POLI: variants seen among roughly 807,000 people sequenced by gnomAD.
The protein encoded by POLI is DNA polymerase iota.
Under a neutral mutation model 51.6 loss-of-function variants are expected in POLI, and 58 were observed. The observed-to-expected ratio is 1.12, with a 90% CI of 0.91 to 1.40. POLI has a LOEUF of 1.40. POLI is among the 40% of genes most tolerant of loss of function. The pLI is 0.00. For missense variants in POLI, 921 were observed against 871.3 expected, an observed-to-expected ratio of 1.06 and a Z score of -0.72; for synonymous variants, 322 against 299.7, an observed-to-expected ratio of 1.07 and a Z score of -0.77.
chr18:54,273,851 G>A (rs1211399004), intron 2 of POLI, 75 bp from the exon 3 acceptor site: 20 of 777,112 alleles, frequency 2.6e-5, no homozygotes, highest in Non-Finnish European at 3.7e-5. Flanking sequence ...TTAGACAAAT[G>A]TAATACGGAA....
At chr18:54,279,172 T>C (rs539533666) in intron 4 of POLI, among the ~76,000 whole-genome samples, 1 of 152,190 alleles carries the variant, frequency 6.6e-6, no homozygotes, top group South Asian at 2.1e-4. Context: ...ATACAGATTT[T>C]ATTAAAATTT....
At chr18:54,304,600 A>T (rs1262986135) in intron 3 of POLI, among the ~76,000 whole-genome samples, 2 of 152,018 alleles carry the variant, frequency 1.3e-5, no homozygotes, top group African/African-American at 4.8e-5. Context: ...CCACTTTTTG[A>T]TGGGGTTGTT....
At chr18:54,306,037 C>T (rs12454487) in intron 3 of POLI, among the ~76,000 whole-genome samples, 49,902 of 152,084 alleles carry the variant, frequency 0.33, 10,192 homozygotes, top group East Asian at 0.68. Flanking sequence ...GGATTACAGG[C>T]GTGAGCCACC....
At position 54,269,572 on chromosome 18, in the gene POLI, A is replaced by C. The variant is rs768665084; in HGVS notation, c.26A>C (p.Glu9Ala). The C allele has an allele frequency of 2.1e-6, 3 of 1,460,558 alleles. No homozygotes were observed. Among genetic ancestry groups the C allele is most frequent in the Admixed American group, 5.3e-5 (2 of 37,876 alleles). 90.5% of individuals were successfully genotyped at this position (1,460,558 alleles called of 1,614,324 possible). Residue 9 changes from glutamate to alanine, a missense_variant, in exon 1 of 10, where the codon GAG becomes GCG. Coordinates refer to ENST00000579534, the MANE Select transcript of POLI (RefSeq NM_007195.3). ...ATGGAGAAGCTGGGGGTGGAGCCGG[A>C]GGAGGAAGGCGGCGGCGACGACGAC... Reference protein sequence around the residue: MEKLGVEPEEEGGGDDDEE... With the variant: MEKLGVEPAEEGGGDDDEE...
chr18:54,317,712 A>C (rs2088752734), intron 3 of POLI, among the ~76,000 whole-genome samples: 1 of 152,138 alleles, frequency 6.6e-6, no homozygotes, highest in Non-Finnish European at 1.5e-5. Context: ...AAAATTAAAA[A>C]AAATTAACCC....
At chr18:54,274,115 T>C (rs770302325) in intron 3 of POLI, 25 bp downstream of exon 3, 4 of 1,272,436 alleles carry the variant, frequency 3.1e-6, no homozygotes, top group South Asian at 5.1e-5. Flanking sequence ...CAATGTACTT[T>C]TAGCATTAAT....
In POLI at chr18:54,295,053, TTGAA is replaced by T. The variant is rs3730831; in HGVS notation, c.*597_*600del. 843 of 985,370 alleles carry T rather than the reference TTGAA, an allele frequency of 8.6e-4. 8 individuals carry two copies. The African/African-American group carries it at 0.013, about 16-fold the overall frequency. 61.0% of individuals were successfully genotyped at this position (985,370 alleles called of 1,614,324 possible). Reference sequence around the variant, plus strand: ...GCACACAAAGGCCGTTCAATAAACATTGAATGAATGAATGGTTTGGCTAGGGCCA... The same window carrying T: ...GCACACAAAGGCCGTTCAATAAACATTGAATGAATGGTTTGGCTAGGGCCA... On this transcript the variant is annotated 3_prime_UTR_variant, in exon 10 of 10. Coordinates refer to ENST00000579534, the MANE Select transcript of POLI (RefSeq NM_007195.3).
In POLI at chr18:54,294,598, A is replaced by G. The variant is rs1327172360; in HGVS notation, c.*131A>G. The G allele has an allele frequency of 7.7e-7, 1 of 1,306,294 alleles. No homozygotes were observed. Among genetic ancestry groups the G allele is most frequent in the African/African-American group, 1.5e-5 (1 of 66,362 alleles). 80.9% of individuals were successfully genotyped at this position (1,306,294 alleles called of 1,614,324 possible). On this transcript the variant is annotated 3_prime_UTR_variant, in exon 10 of 10. Coordinates refer to ENST00000579534, the MANE Select transcript of POLI (RefSeq NM_007195.3). ...AGTAAACTGTTCCAGATAAAGCAAG[A>G]ATAGTTGCAAGAAGTAAATTCTGGC...
chr18:54,277,572 G>C, intron 3 of POLI, 131 bp from the exon 4 acceptor site: 1 of 559,748 alleles, frequency 1.8e-6, no homozygotes, highest in Non-Finnish European at 3.1e-6. Flanking sequence ...CTTTATTAAA[G>C]ATATTATGGA....
intron 5 of POLI, among the ~76,000 whole-genome samples, chr18:54,282,614 A>G (rs1207939341): frequency 1.3e-5 from 2 of 152,114 alleles, no homozygotes; most frequent in East Asian, 1.9e-4. Flanking sequence ...TATCATAGGT[A>G]TATATGTAAT....
chr18:54,277,957 T>C, intron 4 of POLI, 102 bp downstream of exon 4: 2 of 863,938 alleles, frequency 2.3e-6, no homozygotes, highest in Non-Finnish European at 3.5e-6. Flanking sequence ...ATGACTTTTG[T>C]TGGAGGTATA....
In POLI at chr18:54,297,402, G is replaced by T. The variant is rs2088387597; in HGVS notation, c.*2935G>T. Reference sequence around the variant, plus strand: ...GAGGGGGTTTCTGTCTTGAGTGTAGGCCTGGAGATTTCCCTTATATGGTAC... The same window carrying T: ...GAGGGGGTTTCTGTCTTGAGTGTAGTCCTGGAGATTTCCCTTATATGGTAC... On this transcript the variant is annotated 3_prime_UTR_variant, in exon 10 of 10. Transcript: ENST00000579534. 1 of 983,308 alleles carries T rather than the reference G, an allele frequency of 1.0e-6. No individual in the cohort carries two copies. The highest frequency in any genetic ancestry group is 1.8e-5 in the African/African-American group (1 of 57,020). The allele number at this position is 983,308 out of a possible 1,614,324, so 60.9% of individuals were successfully genotyped here.
rs1568145224 is a variant in POLI at position 54,294,127 on chromosome 18, GA to G, written c.1884del (p.Arg628SerfsTer2). Reference sequence around the variant, plus strand: ...GATTATTCATATTATTTAGATAATAGATTAAAAGATGAACGAATAAGTCAAG... The same window carrying G: ...GATTATTCATATTATTTAGATAATAGTTAAAAGATGAACGAATAAGTCAAG... ...QKDYSYYLDN[R>X]LKDERISQGP... On this transcript the variant is annotated frameshift_variant, in exon 10 of 10. Transcript: ENST00000579534. LOFTEE classifies it low-confidence loss of function (END_TRUNC). 1 of 1,608,436 alleles carries G rather than the reference GA, an allele frequency of 6.2e-7. No individual in the cohort carries two copies. Among genetic ancestry groups the G allele is most frequent in the African/African-American group, 1.3e-5 (1 of 74,920 alleles).
chr18:54,300,642 C>A (rs746914557), downstream of POLI, among the ~76,000 whole-genome samples: 5 of 151,904 alleles, frequency 3.3e-5, no homozygotes, highest in Non-Finnish European at 7.4e-5. Flanking sequence ...TATAAATGAT[C>A]TAAAAACCTC....
chr18:54,275,198 A>G (rs1333566464), intron 3 of POLI, among the ~76,000 whole-genome samples: 1 of 152,158 alleles, frequency 6.6e-6, no homozygotes, highest in African/African-American at 2.4e-5. Flanking sequence ...TGTGGCTCAT[A>G]CCTGTAATCC....
intron 4 of POLI, among the ~76,000 whole-genome samples, chr18:54,279,682 A>G (rs1464031883): frequency 6.6e-6 from 1 of 152,158 alleles, no homozygotes; most frequent in African/African-American, 2.4e-5. Context: ...TCATCTCTAA[A>G]TACTTTTAGC....
In POLI at chr18:54,296,780, A is replaced by C. The variant is rs1263081165; in HGVS notation, c.*2313A>C. 2.3e-6 allele frequency: 1 copy of C among 430,682 alleles called. No homozygotes were observed. The highest frequency in any genetic ancestry group is 3.1e-6 in the Non-Finnish European group (1 of 324,938). The allele number at this position is 430,682 out of a possible 1,614,324, so 26.7% of individuals were successfully genotyped here. A position where few individuals can be genotyped will look rare whatever the true frequency, so the allele number is the denominator to read the frequency against. On this transcript the variant is annotated 3_prime_UTR_variant, in exon 10 of 10. Coordinates refer to ENST00000579534, the MANE Select transcript of POLI (RefSeq NM_007195.3). ...AACAATGATGGTTTTAATTTCAATAAATATATTTTTCATTTGATTCTTTTT... is the reference window on the plus strand; with the variant it reads ...AACAATGATGGTTTTAATTTCAATACATATATTTTTCATTTGATTCTTTTT...
At chr18:54,280,576 A>G (rs2087450415) in intron 4 of POLI, 91 bp from the exon 5 acceptor site, 2 of 768,700 alleles carry the variant, frequency 2.6e-6, no homozygotes, top group Non-Finnish European at 2.2e-6. Context: ...GTTGTTGGAT[A>G]TAGACTAAGC....
At chr18:54,293,456 G>A (rs1188289684) in intron 9 of POLI, among the ~76,000 whole-genome samples, 193 bp from the exon 10 acceptor site, 2 of 149,804 alleles carry the variant, frequency 1.3e-5, no homozygotes, top group Non-Finnish European at 2.9e-5. Context: ...TCCTGGAATA[G>A]TGGGTAGAGA....
Sources: allele counts gnomAD v4.1 joint callset (sites outside exome capture counted in the v4.1 genomes callset), GRCh38; gene constraint gnomAD v4.1.1; transcripts MANE v1.5; gene names NCBI Gene and HGNC (gene_info 2026-07-23, HGNC 2026-07-21).